Variants in BUB1 observed in about 807,000 individuals in gnomAD.
BUB1 encodes mitotic checkpoint serine/threonine-protein kinase BUB1.
A neutral mutation model predicts 135.2 loss-of-function variants in BUB1; 84 were observed. The observed-to-expected ratio is 0.62, with a 90% CI of 0.52 to 0.74. The LOEUF (loss-of-function observed/expected upper bound fraction) is 0.74. Ranked by LOEUF, BUB1 falls within the 30% of genes least tolerant of loss-of-function variation. The probability of loss-of-function intolerance (pLI) is 0.00; values close to 1 mark genes in which losing one functional copy is unlikely to be tolerated. For synonymous variants in BUB1, 403 were observed against 434.4 expected, an observed-to-expected ratio of 0.93 and a Z score of 0.90; for missense variants, 1,162 against 1,288.3, an observed-to-expected ratio of 0.90 and a Z score of 1.50.
At chr2:110,668,028 A>ATG (rs1319569877) in intron 6 of BUB1, among the ~76,000 whole-genome samples, 179 bp from the exon 7 acceptor site, 1 of 152,210 alleles carries the variant, frequency 6.6e-6, no homozygotes, top group African/African-American at 2.4e-5. Flanking sequence ...CAACCTTACA[A>ATG]TAACTATTGT....
At position 110,660,040 on chromosome 2, in the gene BUB1, G is replaced by C; in HGVS notation, c.1218-4C>G. On this transcript the variant is annotated splice_polypyrimidine_tract_variant and splice_region_variant and intron_variant, in intron 10 of 24. Coordinates refer to ENST00000302759, the MANE Select transcript of BUB1 (RefSeq NM_004336.5). ...ATGAGTACTCTTATTCACACATCTG[G>C]AAGAGAAAACTCTTGAGACACACTA... is the stretch of plus-strand genomic sequence containing the variant. The C allele has an allele frequency of 1.2e-6, 2 of 1,610,168 alleles. No homozygotes were observed. Among genetic ancestry groups the C allele is most frequent in the Non-Finnish European group, 1.7e-6 (2 of 1,177,182 alleles).
At chr2:110,649,142 G>A in intron 19 of BUB1, 92 bp downstream of exon 19, 2 of 1,218,554 alleles carry the variant, frequency 1.6e-6, no homozygotes, top group South Asian at 1.7e-5. Flanking sequence ...GGGCAAATAG[G>A]AGAATCACAC....
At chr2:110,670,065 G>A (rs1690376153) in intron 5 of BUB1, among the ~76,000 whole-genome samples, 1 of 147,524 alleles carries the variant, frequency 6.8e-6, no homozygotes, top group Admixed American at 6.8e-5. Flanking sequence ...GCATTATGAT[G>A]ATCAGAATGC....
intron 23 of BUB1, among the ~76,000 whole-genome samples, chr2:110,640,159 C>T (rs1484893062): frequency 6.6e-6 from 1 of 152,140 alleles, no homozygotes. Context: ...TGGAAGTCCT[C>T]CCAGCTCACT....
chr2:110,647,556 T>TA lies in BUB1; in HGVS notation c.2347+1677dup, dbSNP rs532404356. On this transcript the variant is annotated intron_variant, in intron 19 of 24. Transcript: ENST00000302759. ...ATAAAATCCAACACCCACTTATGATTAAAAAAAAAACCCTCTCAGCAAACT... is the reference window on the plus strand; with the variant it reads ...ATAAAATCCAACACCCACTTATGATTAAAAAAAAAAACCCTCTCAGCAAACT... Among the ~76,000 whole-genome samples, 144 of 147,524 alleles carry TA rather than the reference T, an allele frequency of 9.8e-4. 1 individual carries two copies. Among genetic ancestry groups the TA allele is most frequent in the African/African-American group, 2.9e-3 (118 of 40,340 alleles).
At chr2:110,660,561 A>G (rs1328195983) in intron 10 of BUB1, among the ~76,000 whole-genome samples, 1 of 151,796 alleles carries the variant, frequency 6.6e-6, no homozygotes, top group Non-Finnish European at 1.5e-5. Context: ...TTTCAGTTCC[A>G]TTTCAGGAAA....
intron 11 of BUB1, 36 bp downstream of exon 11, chr2:110,659,942 C>A (rs1473468079): frequency 1.3e-5 from 21 of 1,575,628 alleles, no homozygotes; most frequent in Non-Finnish European, 1.8e-5. Context: ...ACAGAGGAAT[C>A]TGGACAGAAA....
intron 10 of BUB1, 90 bp downstream of exon 10, chr2:110,661,492 T>C: frequency 6.9e-7 from 1 of 1,451,034 alleles, no homozygotes; most frequent in South Asian, 1.4e-5. Context: ...ATTCATCTTT[T>C]ACATACTGTT....
At chr2:110,657,428 G>T in intron 14 of BUB1, 118 bp downstream of exon 14, 1 of 720,752 alleles carries the variant, frequency 1.4e-6, no homozygotes, top group Non-Finnish European at 2.2e-6. Flanking sequence ...TGGTTGTGTG[G>T]TCAAAAGGCT....
In BUB1 at chr2:110,648,623, C is replaced by T. The variant is rs185008335; in HGVS notation, c.2347+611G>A. 1.3e-5 allele frequency among the ~76,000 whole-genome samples: 2 copies of T among 152,244 alleles called. No homozygotes were observed. Among genetic ancestry groups the T allele is most frequent in the East Asian group, 1.9e-4 (1 of 5,190 alleles). On this transcript the variant is annotated intron_variant, in intron 19 of 24. Transcript: ENST00000302759. The surrounding 1 kb of genome is among the most constrained non-coding windows in gnomAD (Gnocchi z 4.2). ...ACACTCATGCAAGATGTTAGTAACA[C>T]GAAAATCTGTGTGTGTATATATGGG...
chr2:110,655,887 C>A lies in BUB1; in HGVS notation c.1728G>T (p.Leu576Phe). The A allele has an allele frequency of 6.2e-7, 1 of 1,613,322 alleles. No homozygotes were observed. The highest frequency in any genetic ancestry group is 8.5e-7 in the Non-Finnish European group (1 of 1,179,518). The change falls in exon 16 of 25, where the codon TTG becomes TTT. Residue 576 changes from leucine to phenylalanine, a missense_variant. Leu to Phe is a conservative substitution (Grantham distance 22). Transcript: ENST00000302759. ...GAATACCCCATACAGTTGAGTCATCCAAAAACTCTTCAGCATGAGGCACTT... is the reference window on the plus strand; with the variant it reads ...GAATACCCCATACAGTTGAGTCATCAAAAAACTCTTCAGCATGAGGCACTT... The part of the protein sequence containing the change: ...KEEVPHAEEF[L>F]DDSTVWGIRC...
At chr2:110,663,464 G>T (rs1363542186) in intron 9 of BUB1, among the ~76,000 whole-genome samples, 1 of 152,172 alleles carries the variant, frequency 6.6e-6, no homozygotes, top group Non-Finnish European at 1.5e-5. Context: ...CAGACAACAG[G>T]CAATCTACTT....
chr2:110,653,960 G>A (rs535860662), intron 16 of BUB1, among the ~76,000 whole-genome samples: 1 of 152,250 alleles, frequency 6.6e-6, no homozygotes, highest in South Asian at 2.1e-4. Context: ...CACTCAGCCT[G>A]GGCAACATAG....
At chr2:110,674,413 C>T (rs1342605147) in intron 1 of BUB1, 48 bp from the exon 2 acceptor site, 1 of 1,550,044 alleles carries the variant, frequency 6.5e-7, no homozygotes, top group African/African-American at 1.4e-5. Context: ...ATAATTTCTA[C>T]AAGCAAAAGA....
intron 16 of BUB1, among the ~76,000 whole-genome samples, chr2:110,654,472 A>G (rs1295971812): frequency 6.6e-6 from 1 of 152,040 alleles, no homozygotes; most frequent in Non-Finnish European, 1.5e-5. Flanking sequence ...TTTATCAGAT[A>G]CTCCTTCACT....
chr2:110,658,443 G>C lies in BUB1; in HGVS notation c.1483C>G (p.Gln495Glu), dbSNP rs776817502. 1.2e-6 allele frequency: 2 copies of C among 1,613,816 alleles called. No homozygotes were observed. The highest frequency in any genetic ancestry group is 2.2e-5 in the South Asian group (2 of 91,032). The part of the protein sequence containing the change: ...DDKDEWQSLD[Q>E]NEDAFEAQFQ... The stretch of plus-strand genomic sequence containing the variant: ...TGGGCTTCAAATGCATCTTCATTTT[G>C]ATCTAGAGATTGCCATTCATCTTTG... Residue 495 changes from glutamine (Q) to glutamate (E), a missense_variant, in exon 13 of 25, where the codon CAA becomes GAA. Physicochemically the swap from Gln to Glu is conservative, Grantham distance 29. Coordinates refer to ENST00000302759, the MANE Select transcript of BUB1 (RefSeq NM_004336.5).
At position 110,678,002 on chromosome 2, in the gene BUB1, A is replaced by G; in HGVS notation, c.-7T>C. ...CATTTTCCGGGGTGTCCATGGCCAG[A>G]GGACGCTGGCCGGCAGCGGCCAAAC... On this transcript the variant is annotated 5_prime_UTR_variant, in exon 1 of 25. Transcript: ENST00000302759. 2 of 1,606,368 alleles carry G rather than the reference A, an allele frequency of 1.2e-6. No homozygotes were observed. The highest frequency in any genetic ancestry group is 1.7e-6 in the Non-Finnish European group (2 of 1,177,068).
chr2:110,655,947 A>C, intron 15 of BUB1, 31 bp from the exon 16 acceptor site: 1 of 1,598,018 alleles, frequency 6.3e-7, no homozygotes, highest in Non-Finnish European at 8.6e-7. Context: ...AAAAAAAAGC[A>C]GCAATCTCCC....
chr2:110,655,607 T>A, intron 16 of BUB1, 132 bp downstream of exon 16: 1 of 892,434 alleles, frequency 1.1e-6, no homozygotes, highest in Non-Finnish European at 1.6e-6. Context: ...AGATTTTAAG[T>A]TTCTTCTTTA....
Sources: gnomAD v4.1 joint callset for allele counts (sites outside exome capture counted in the v4.1 genomes callset) on GRCh38, gnomAD v4.1.1 for gene constraint, Gnocchi (gnomAD v3.1) non-coding constraint, MANE v1.5 for transcripts, NCBI Gene and HGNC (gene_info 2026-07-23, HGNC 2026-07-21) for gene names.